CST8: variants seen among roughly 807,000 people sequenced by gnomAD.
The protein encoded by CST8 is cystatin-8.
A neutral mutation model predicts 11.8 loss-of-function variants in CST8; 20 were observed. The observed-to-expected ratio is 1.70, with a 90% confidence interval of 1.20 to 2.47. The LOEUF (loss-of-function observed/expected upper bound fraction) is 2.47, where lower values mean the gene tolerates loss of function less well. CST8 is among the 30% of genes most tolerant of loss of function. The pLI, the probability that CST8 is intolerant of heterozygous loss-of-function variation, is 0.00. For missense variants in CST8, 196 were observed against 167.2 expected (o/e 1.17, Z -0.95); for synonymous variants, 77 against 63.1 (o/e 1.22, Z -1.05).
chr20:23,492,885 A>T (rs899567188), intron 2 of CST8, 73 bp from the exon 3 acceptor site: 53 of 699,062 alleles, frequency 7.6e-5, no homozygotes, highest in Non-Finnish European at 1.2e-4. Context: ...AGTAAGAGTA[A>T]TTTTTTTTTT....
chr20:23,492,852 G>A, intron 2 of CST8, 106 bp from the exon 3 acceptor site: 3 of 745,406 alleles, frequency 4.0e-6, no homozygotes, highest in Non-Finnish European at 7.2e-6. Flanking sequence ...GGGTGAGGGA[G>A]GAAGGAAAGA....
the CST8 span, among the ~76,000 whole-genome samples, chr20:23,503,330 A>T: frequency 6.6e-6 from 1 of 152,364 alleles, no homozygotes; most frequent in South Asian, 2.1e-4. Flanking sequence ...CAGGATGCTC[A>T]TAAAAGCCAC....
downstream of CST8, among the ~76,000 whole-genome samples, chr20:23,497,987 A>ATGTG (rs11471783): frequency 4.7e-5 from 7 of 150,192 alleles, no homozygotes; most frequent in East Asian, 1.2e-3. Context: ...ATGTGTGTGC[A>ATGTG]TGTGTGTGTG....
rs117526489 is a variant in CST8, at chr20:23,493,236, G to A, written c.345+165G>A. On this transcript the variant is annotated intron_variant, in intron 3 of 3. Coordinates refer to ENST00000246012, the MANE Select transcript of CST8 (RefSeq NM_005492.4). Reference sequence around the variant, plus strand: ...AGCAGAAGATCCAGGGCCACGGAACGTGGTGGAACCCTCTGAGCTTCTTTC... The same window carrying A: ...AGCAGAAGATCCAGGGCCACGGAACATGGTGGAACCCTCTGAGCTTCTTTC... 3.9e-4 allele frequency among the ~76,000 whole-genome samples: 59 copies of A among 152,276 alleles called. No homozygotes were observed. The East Asian group carries it at 0.01, about 27-fold the overall frequency.
intron 3 of CST8, 47 bp downstream of exon 3, chr20:23,493,118 C>A: frequency 2.5e-6 from 3 of 1,201,438 alleles, no homozygotes; most frequent in Non-Finnish European, 3.7e-6. Flanking sequence ...AGCTCTGAAC[C>A]CAAGAGAGAA....
chr20:23,495,997 A>C lies in CST8; in HGVS notation c.*83A>C. On this transcript the variant is annotated 3_prime_UTR_variant, in exon 4 of 4. Transcript: ENST00000246012. ...AATGGCAGGTGGGAGGCTCTTCCCA[A>C]TGTGCTTTCTTCATGCATGCCTCTC... 2 of 1,085,470 alleles carry C rather than the reference A, an allele frequency of 1.8e-6. No individual in the cohort carries two copies. Among genetic ancestry groups the C allele is most frequent in the Non-Finnish European group, 2.8e-6 (2 of 725,482 alleles). The allele number at this position is 1,085,470 out of a possible 1,614,324, so 67.2% of individuals were successfully genotyped here. A position where few individuals can be genotyped will look rare whatever the true frequency, so the allele number is the denominator to read the frequency against.
chr20:23,492,636 C>G lies in CST8; in HGVS notation c.232-322C>G, dbSNP rs1480605855. Among the ~76,000 whole-genome samples, 5 of 152,328 alleles carry G rather than the reference C, an allele frequency of 3.3e-5. No homozygotes were observed. In the East Asian group the frequency reaches 5.8e-4, roughly 18 times the overall value. ...GTTCTGAAGAGCCCACCTTTCACCT[C>G]TCAGTCCTCACTGAGCATGCAGCAT... is the stretch of plus-strand genomic sequence containing the variant. On this transcript the variant is annotated intron_variant, in intron 2 of 3. Transcript: ENST00000246012.
At chr20:23,496,402 A>T (rs2983292), downstream of CST8, among the ~76,000 whole-genome samples, 62,357 of 151,742 alleles carry the variant, frequency 0.41, 13,681 homozygotes, top group Non-Finnish European at 0.49. Flanking sequence ...AACCAGCAAG[A>T]GTTTATTAGT....
At chr20:23,496,648 G>A (rs955811019), downstream of CST8, among the ~76,000 whole-genome samples, 63 of 152,298 alleles carry the variant, frequency 4.1e-4, no homozygotes, top group African/African-American at 1.5e-3. Flanking sequence ...TTTATTAGGT[G>A]GGAATTTCCT....
At chr20:23,503,879 G>A in the CST8 span, among the ~76,000 whole-genome samples, 1 of 152,202 alleles carries the variant, frequency 6.6e-6, no homozygotes, top group Non-Finnish European at 1.5e-5. Flanking sequence ...CAGTCATGGC[G>A]GGCGGGTCAA....
At chr20:23,497,550 C>T (rs960479935), downstream of CST8, among the ~76,000 whole-genome samples, 1 of 152,220 alleles carries the variant, frequency 6.6e-6, no homozygotes, top group Non-Finnish European at 1.5e-5. Flanking sequence ...ATGTATTAGT[C>T]TGTTCTCACA....
intron 2 of CST8, among the ~76,000 whole-genome samples, chr20:23,492,493 C>A (rs76483752): frequency 0.02 from 3,087 of 152,274 alleles, 83 homozygotes; most frequent in African/African-American, 0.069. Flanking sequence ...GTGGGGAAAC[C>A]CCAGAGGATG....
chr20:23,502,185 C>T, the CST8 span, among the ~76,000 whole-genome samples: 1 of 152,212 alleles, frequency 6.6e-6, no homozygotes, highest in Admixed American at 6.5e-5. Flanking sequence ...CAGAAGCCAC[C>T]TAAAAGCCAG....
chr20:23,495,181 T>A (rs2983290), intron 3 of CST8, among the ~76,000 whole-genome samples: 130 of 152,336 alleles, frequency 8.5e-4, no homozygotes, highest in Non-Finnish European at 1.7e-3. Flanking sequence ...ATGGTGTACA[T>A]GTACCACATT....
At position 23,495,869 on chromosome 20, in the gene CST8, G is replaced by A. The variant is rs1385297138; in HGVS notation, c.384G>A (p.Trp128Ter). The change falls in exon 4 of 4, where the codon TGG becomes TGA. Residue 128 changes from tryptophan to a stop codon, truncating the protein, a stop_gained. Transcript: ENST00000246012. LOFTEE classifies it low-confidence loss of function (END_TRUNC). The stretch of plus-strand genomic sequence containing the variant: ...GCTTTTTGGTAGGAGCACTTCCCTG[G>A]AATGGTGAATTCACTGTGATGGAGA... ...SCSFLVGALP[W>*]NGEFTVMEKK... The A allele has an allele frequency of 6.2e-7, 1 of 1,611,556 alleles. No individual in the cohort carries two copies. Among genetic ancestry groups the A allele is most frequent in the Non-Finnish European group, 8.5e-7 (1 of 1,179,348 alleles).
At chr20:23,496,982 C>T (rs1209729791), downstream of CST8, among the ~76,000 whole-genome samples, 2 of 152,202 alleles carry the variant, frequency 1.3e-5, no homozygotes, top group Non-Finnish European at 1.5e-5. Context: ...TTCAAACACA[C>T]ATGCTCTACA....
intron 3 of CST8, 75 bp downstream of exon 3, chr20:23,493,146 CT>C: frequency 1.1e-6 from 1 of 940,684 alleles, no homozygotes; most frequent in Non-Finnish European, 1.7e-6. Flanking sequence ...GCACGCAGAC[CT>C]TCTCTTTGAG....
At chr20:23,492,505 G>A (rs1374574781) in intron 2 of CST8, among the ~76,000 whole-genome samples, 4 of 152,234 alleles carry the variant, frequency 2.6e-5, no homozygotes, top group Non-Finnish European at 5.9e-5. Flanking sequence ...CAGAGGATGG[G>A]AGGTTTCACA....
chr20:23,493,692 C>T (rs1987959532), intron 3 of CST8, among the ~76,000 whole-genome samples: 1 of 152,186 alleles, frequency 6.6e-6, no homozygotes, highest in Admixed American at 6.5e-5. Flanking sequence ...GGCTTCAAGC[C>T]TGTATTTTTT....
Sources: gnomAD v4.1 joint callset for allele counts (sites outside exome capture counted in the v4.1 genomes callset) on GRCh38, gnomAD v4.1.1 for gene constraint, MANE v1.5 for transcripts, NCBI Gene and HGNC (gene_info 2026-07-23, HGNC 2026-07-21) for gene names.